PTK2: variants seen among roughly 807,000 people sequenced by gnomAD.
The protein encoded by PTK2 is protein tyrosine kinase 2, also known as focal adhesion kinase 1.
A neutral mutation model predicts 150.1 loss-of-function variants in PTK2; 45 were observed. The ratio of observed to expected loss-of-function variants is 0.30; its 90% CI spans 0.24 to 0.38. The LOEUF is 0.38. Among genes scored for constraint, PTK2 ranks in the 10% least tolerant of loss-of-function variants. The pLI is 1.00. For synonymous variants in PTK2, 432 were observed against 449.2 expected, an observed-to-expected ratio of 0.96 and a Z score of 0.48; for missense variants, 919 against 1,307.3, an observed-to-expected ratio of 0.70 and a Z score of 4.58.
intron 26 of PTK2, among the ~76,000 whole-genome samples, chr8:140,697,416 T>TTG (rs34459077): frequency 0.065 from 9,526 of 145,742 alleles, 323 homozygotes; most frequent in East Asian, 0.17. Context: ...AGAATACGGT[T>TTG]TGTGTGTGTG....
At chr8:140,714,085 A>C (rs917744843) in intron 23 of PTK2, among the ~76,000 whole-genome samples, 3 of 151,918 alleles carry the variant, frequency 2.0e-5, no homozygotes, top group African/African-American at 7.3e-5. Flanking sequence ...AGACAGTCTC[A>C]TCCTGTTGCC....
At chr8:140,940,989 T>TA (rs933557375) in intron 1 of PTK2, among the ~76,000 whole-genome samples, 66 of 150,986 alleles carry the variant, frequency 4.4e-4, no homozygotes, top group Middle Eastern at 3.4e-3. Flanking sequence ...TTTTTTTAAT[T>TA]AAAAAAAAAT....
intron 2 of PTK2, among the ~76,000 whole-genome samples, chr8:140,893,764 T>C (rs941477648): frequency 6.6e-6 from 1 of 152,196 alleles, no homozygotes; most frequent in Non-Finnish European, 1.5e-5. Flanking sequence ...GTTGTTAAAA[T>C]GGTGAATTTT....
At chr8:140,887,399 TA>T (rs942043690) in intron 3 of PTK2, among the ~76,000 whole-genome samples, 1 of 152,230 alleles carries the variant, frequency 6.6e-6, no homozygotes, top group African/African-American at 2.4e-5. Context: ...ATTTTGCCTA[TA>T]AACTGTGAAA....
chr8:140,912,945 C>CA (rs998807718), intron 2 of PTK2, among the ~76,000 whole-genome samples: 5 of 148,606 alleles, frequency 3.4e-5, no homozygotes, highest in South Asian at 2.1e-4. Context: ...GACTCTGTCT[C>CA]AAAAAAAAGA....
At chr8:140,921,618 T>C (rs145210235) in intron 2 of PTK2, among the ~76,000 whole-genome samples, 85 of 152,310 alleles carry the variant, frequency 5.6e-4, no homozygotes, top group African/African-American at 1.9e-3. Context: ...GGTACTGTCA[T>C]AGTAAGTGTA....
chr8:140,884,353 TC>T lies in PTK2; in HGVS notation c.196-4717del, dbSNP rs113716306. On this transcript the variant is annotated intron_variant, in intron 3 of 31. Coordinates refer to ENST00000522684, the Ensembl canonical transcript of PTK2. ...TTAAAGCTTTCCTTTCTAGCTTTCT[TC>T]CTAGATGATACTTTCCATCCTGTAA... Among the ~76,000 whole-genome samples, 812 of 152,342 alleles carry T rather than the reference TC, an allele frequency of 5.3e-3. 9 individuals carry two copies. Among genetic ancestry groups the T allele is most frequent in the African/African-American group, 0.018 (740 of 41,584 alleles).
intron 3 of PTK2, 52 bp from the exon 4 acceptor site, chr8:140,879,689 A>C (rs2100147908): frequency 7.9e-7 from 1 of 1,269,314 alleles, no homozygotes; most frequent in Non-Finnish European, 1.0e-6. Context: ...AAAAAAAAAA[A>C]AAAAAAAAAA....
intron 1 of PTK2, among the ~76,000 whole-genome samples, chr8:140,970,438 T>C (rs1384241908): frequency 6.6e-6 from 1 of 152,234 alleles, no homozygotes; most frequent in Non-Finnish European, 1.5e-5. Flanking sequence ...CACACTCTTC[T>C]CTATGTCAGT....
chr8:140,670,481 A>AACAAC (rs2094926673), intron 29 of PTK2, among the ~76,000 whole-genome samples: 1 of 35,620 alleles, frequency 2.8e-5, no homozygotes, highest in African/African-American at 9.9e-5. Context: ...AAAAAAAAAA[A>AACAAC]AACAACAACA....
At chr8:140,890,127 T>C (rs1220838794) in intron 3 of PTK2, among the ~76,000 whole-genome samples, 1 of 152,186 alleles carries the variant, frequency 6.6e-6, no homozygotes, top group African/African-American at 2.4e-5. Context: ...ACACAGCATA[T>C]GTTCAAGAGT....
At chr8:140,770,126 A>G (rs1565998450) in intron 14 of PTK2, among the ~76,000 whole-genome samples, 1 of 152,228 alleles carries the variant, frequency 6.6e-6, no homozygotes, top group Non-Finnish European at 1.5e-5. Flanking sequence ...GGAGTGCAGT[A>G]CTTGAAGCTC....
chr8:140,733,887 T>C (rs576692234), intron 22 of PTK2, among the ~76,000 whole-genome samples: 19 of 152,280 alleles, frequency 1.2e-4, no homozygotes, highest in African/African-American at 4.6e-4. Flanking sequence ...GCTCACTGTA[T>C]TGTAATAACC....
At chr8:140,724,900 C>T (rs2100044883) in intron 22 of PTK2, among the ~76,000 whole-genome samples, 1 of 152,228 alleles carries the variant, frequency 6.6e-6, no homozygotes, top group African/African-American at 2.4e-5. Context: ...ATGATCACAG[C>T]ATTACTGCTT....
At chr8:140,784,398 T>C (rs1323443604) in intron 14 of PTK2, among the ~76,000 whole-genome samples, 3 of 152,120 alleles carry the variant, frequency 2.0e-5, no homozygotes, top group Non-Finnish European at 4.4e-5. Context: ...AAGGTTTTAC[T>C]GCTTGATCAA....
At chr8:140,998,521 A>C (rs113748703) in intron 1 of PTK2, among the ~76,000 whole-genome samples, 2 of 152,100 alleles carry the variant, frequency 1.3e-5, no homozygotes, top group Non-Finnish European at 2.9e-5. Flanking sequence ...CTACCTTTAA[A>C]ACAACAGGAT....
chr8:140,717,144 A>G (rs999788327), intron 23 of PTK2, among the ~76,000 whole-genome samples: 4 of 152,234 alleles, frequency 2.6e-5, no homozygotes, highest in African/African-American at 9.6e-5. Context: ...CTACGAAAGA[A>G]AAAGGCAAAA....
chr8:140,789,422 C>T lies in PTK2; in HGVS notation c.1177+52G>A, dbSNP rs138513754. On this transcript the variant is annotated intron_variant, in intron 14 of 31. Coordinates refer to ENST00000522684, the Ensembl canonical transcript of PTK2. ...TATACTAAAAATAGACATCTATGAT[C>T]GTCTTACCCCATGAGAGTGCTTTTC... is the stretch of plus-strand genomic sequence containing the variant. The T allele has an allele frequency of 5.4e-4, 825 of 1,528,056 alleles. 10 individuals carry two copies. In the South Asian group the frequency reaches 7.0e-3, roughly 13 times the overall value. The allele number at this position is 1,528,056 out of a possible 1,614,324, so 94.7% of individuals were successfully genotyped here. A position where few individuals can be genotyped will look rare whatever the true frequency, so the allele number is the denominator to read the frequency against.
intron 10 of PTK2, among the ~76,000 whole-genome samples, chr8:140,811,124 G>A (rs2100101291): frequency 6.6e-6 from 1 of 152,226 alleles, no homozygotes; most frequent in Non-Finnish European, 1.5e-5. Flanking sequence ...ACCACACTGT[G>A]AAATGCTTTG....
Sources: gnomAD v4.1 joint callset for allele counts (sites outside exome capture counted in the v4.1 genomes callset) on GRCh38, gnomAD v4.1.1 for gene constraint, MANE v1.5 for transcripts, NCBI Gene and HGNC (gene_info 2026-07-23, HGNC 2026-07-21) for gene names.